Variants in ATXN7 observed in about 807,000 individuals in gnomAD.
ATXN7 encodes ataxin 7, also known as ataxin-7.
In ATXN7, 12 loss-of-function variants were observed where a neutral mutation model predicts 70.5. The ratio of observed to expected loss-of-function variants is 0.17; its 90% CI spans 0.11 to 0.28. ATXN7 has a LOEUF of 0.28. ATXN7 is among the 10% of genes least tolerant of loss of function. The probability of loss-of-function intolerance (pLI) is 1.00; values close to 1 mark genes in which losing one functional copy is unlikely to be tolerated. For missense variants in ATXN7, 1,256 were observed against 1,131.7 expected (o/e 1.11, Z -1.58); for synonymous variants, 498 against 448.7 (o/e 1.11, Z -1.39).
At position 63,995,725 on chromosome 3, in the gene ATXN7, A is replaced by G. The variant is rs556047926; in HGVS notation, c.1903A>G (p.Met635Val). 10 of 1,614,104 alleles carry G rather than the reference A, an allele frequency of 6.2e-6. No individual in the cohort carries two copies. Among genetic ancestry groups the G allele is most frequent in the Non-Finnish European group, 8.5e-6 (10 of 1,180,048 alleles). Residue 635 changes from methionine (M) to valine (V), a missense_variant, in exon 12 of 13, where the codon ATG (methionine) becomes GTG (valine). Met to Val is a conservative substitution (Grantham distance 21, BLOSUM62 1). Coordinates refer to ENST00000674280, the MANE Select transcript of ATXN7 (RefSeq NM_001377405.1). Reference protein sequence around the residue: ...LNAQPAASGAMDPVCSMQSRQ... With the variant: ...LNAQPAASGAVDPVCSMQSRQ... Reference sequence around the variant, plus strand: ...TGCACAGCCTGCTGCTTCAGGGGCGATGGATCCTGTGTGCAGTATGCAATC... The same window carrying G: ...TGCACAGCCTGCTGCTTCAGGGGCGGTGGATCCTGTGTGCAGTATGCAATC...
chr3:63,973,437 G>C (rs892409885), intron 5 of ATXN7, among the ~76,000 whole-genome samples: 3 of 152,102 alleles, frequency 2.0e-5, no homozygotes, highest in African/African-American at 7.2e-5. Context: ...CCTGGAAACT[G>C]TGTAAGTTGA....
rs758713692 is a variant in ATXN7 at position 63,979,915 on chromosome 3, A to G, written c.500A>G (p.Glu167Gly). The change falls in exon 6 of 13, where the codon GAA becomes GGA. Residue 167 changes from glutamate to glycine, a missense_variant and splice_region_variant. By Grantham distance (98) the Glu-to-Gly change is moderately conservative. Transcript: ENST00000674280. ...TTTTTTTCTTTGCTTTCGTTTTCAG[A>G]AAGAAGACATAGCTCATCCAGCAAG... ...VKPQAFQSHYERRHSSSSKPP... is the reference protein window; with the variant it reads ...VKPQAFQSHYGRRHSSSSKPP... 5 of 1,612,912 alleles carry G rather than the reference A, an allele frequency of 3.1e-6. No individual in the cohort carries two copies. In the East Asian group the frequency reaches 1.1e-4, roughly 36 times the overall value.
intron 5 of ATXN7, among the ~76,000 whole-genome samples, chr3:63,956,470 A>G (rs1433137878): frequency 6.6e-6 from 1 of 150,528 alleles, no homozygotes; most frequent in Admixed American, 6.6e-5. Flanking sequence ...CTTACTGCTA[A>G]TTTCAGATTT....
At chr3:63,945,523 A>G (rs190915885) in intron 4 of ATXN7, among the ~76,000 whole-genome samples, 1 of 152,360 alleles carries the variant, frequency 6.6e-6, no homozygotes, top group East Asian at 1.9e-4. Context: ...ATGTGTCACT[A>G]AATGACATAA....
chr3:63,999,209 C>T, intron 12 of ATXN7: 1 of 455,168 alleles, frequency 2.2e-6, no homozygotes, highest in Non-Finnish European at 4.0e-6. Context: ...GAAACCCAGG[C>T]CTGCAACTCT....
At chr3:63,872,454 A>G (rs1702626274) in intron 1 of ATXN7, among the ~76,000 whole-genome samples, 1 of 152,194 alleles carries the variant, frequency 6.6e-6, no homozygotes, top group Non-Finnish European at 1.5e-5. Context: ...TGAGCTCCAC[A>G]TAATCTCATC....
rs1704103525 is a variant in ATXN7 at position 63,912,868 on chromosome 3, G to A, written c.270G>A (p.Met90Ile). The A allele has an allele frequency of 3.1e-6, 5 of 1,613,334 alleles. No homozygotes were observed. The African/African-American group carries it at 4.0e-5, about 13-fold the overall frequency. The change falls in exon 3 of 13, where the codon ATG (methionine) becomes ATA (isoleucine). Residue 90 changes from methionine to isoleucine, a missense_variant. Coordinates refer to ENST00000674280, the MANE Select transcript of ATXN7 (RefSeq NM_001377405.1). ...ERRPLPSPEV[M>I]LGQSWNLWVE... ...GGCCTCTGCCCAGTCCTGAAGTGAT[G>A]CTGGGACAGTCGTGGAATCTGTGGG...
intron 12 of ATXN7, chr3:63,998,244 A>G: frequency 1.0e-6 from 1 of 962,254 alleles, no homozygotes; most frequent in Non-Finnish European, 1.2e-6. Flanking sequence ...GACAGTGCCT[A>G]CTAGAAATTG....
chr3:63,980,012 T>G lies in ATXN7; in HGVS notation c.597T>G (p.Ser199Arg). ...FPSLSKSKGG[S>R]ASGSNRSSSG... ...CTCTGTCCAAAAGCAAAGGAGGCAGTGCAAGTGGAAGCAACCGTTCTTCCA... is the reference window on the plus strand; with the variant it reads ...CTCTGTCCAAAAGCAAAGGAGGCAGGGCAAGTGGAAGCAACCGTTCTTCCA... Residue 199 changes from serine to arginine, a missense_variant, in exon 6 of 13, where the codon AGT becomes AGG. Transcript: ENST00000674280. 4 of 1,614,182 alleles carry G rather than the reference T, an allele frequency of 2.5e-6. No homozygotes were observed. The highest frequency in any genetic ancestry group is 3.4e-6 in the Non-Finnish European group (4 of 1,180,026).
rs143627432 is a variant in ATXN7 at position 63,915,935 on chromosome 3, C to G, written c.394+2710C>G. Among the ~76,000 whole-genome samples, 610 of 152,210 alleles carry G rather than the reference C, an allele frequency of 4.0e-3. 4 individuals carry two copies. Among genetic ancestry groups the G allele is most frequent in the African/African-American group, 0.014 (566 of 41,532 alleles). On this transcript the variant is annotated intron_variant, in intron 4 of 12. Coordinates refer to ENST00000674280, the MANE Select transcript of ATXN7 (RefSeq NM_001377405.1). Reference sequence around the variant, plus strand: ...TCCTGACCTCAGGTGATCCACCCGCCTCAGCCTCCACGAAGTGCTGGGATT... The same window carrying G: ...TCCTGACCTCAGGTGATCCACCCGCGTCAGCCTCCACGAAGTGCTGGGATT...
At chr3:63,997,434 A>G (rs1009927407) in intron 12 of ATXN7, among the ~76,000 whole-genome samples, 3 of 152,156 alleles carry the variant, frequency 2.0e-5, no homozygotes, top group African/African-American at 4.8e-5. Context: ...CTGCATATGA[A>G]CCCATCAGTA....
intron 11 of ATXN7, among the ~76,000 whole-genome samples, chr3:63,994,217 G>A (rs1268114631): frequency 6.6e-6 from 1 of 152,044 alleles, no homozygotes; most frequent in Non-Finnish European, 1.5e-5. Context: ...CCTTGAATGG[G>A]GTTTTGGGTT....
intron 4 of ATXN7, among the ~76,000 whole-genome samples, chr3:63,931,707 C>A (rs541861413): frequency 2.0e-4 from 31 of 152,270 alleles, no homozygotes; most frequent in African/African-American, 7.2e-4. Flanking sequence ...TCCACCCATA[C>A]CCTCTTTAAA....
At position 63,982,176 on chromosome 3, in the gene ATXN7, C is replaced by T. The variant is rs1422775754; in HGVS notation, c.753-10C>T. ...TCAGGCACTGGTTTTCTCACTTCCT[C>T]CTGTGACAGCATGACACCCTCTGTG... is the stretch of plus-strand genomic sequence containing the variant. On this transcript the variant is annotated splice_polypyrimidine_tract_variant and intron_variant, in intron 6 of 12. Transcript: ENST00000674280. The T allele has an allele frequency of 1.9e-6, 3 of 1,614,044 alleles. No individual in the cohort carries two copies. The highest frequency in any genetic ancestry group is 2.5e-6 in the Non-Finnish European group (3 of 1,179,956).
chr3:63,896,195 C>T (rs1703442313), intron 1 of ATXN7, among the ~76,000 whole-genome samples: 1 of 148,120 alleles, frequency 6.8e-6, no homozygotes, highest in African/African-American at 2.4e-5. Context: ...TAATCTCCCT[C>T]CCCCTTAAAA....
chr3:63,895,409 C>T (rs557374120), intron 1 of ATXN7, among the ~76,000 whole-genome samples: 16 of 152,288 alleles, frequency 1.1e-4, no homozygotes, highest in African/African-American at 3.9e-4. Context: ...TGTTTCTGAA[C>T]CCTTCGGCCT....
intron 5 of ATXN7, among the ~76,000 whole-genome samples, chr3:63,962,908 C>CTATTTTTTTTTTTTTTTTTT (rs1553691654): frequency 7.3e-6 from 1 of 136,344 alleles, no homozygotes; most frequent in African/African-American, 2.7e-5. Flanking sequence ...TTTTGTATTT[C>CTATTTTTTTTTTTTTTTTTT]TTTTTTTTTT....
intron 1 of ATXN7, among the ~76,000 whole-genome samples, chr3:63,893,280 A>G (rs759913206): frequency 2.0e-5 from 3 of 152,222 alleles, no homozygotes; most frequent in South Asian, 2.1e-4. Flanking sequence ...CACAATGACA[A>G]ATTGGAGAAT....
chr3:63,923,431 G>A (rs1267557389), intron 4 of ATXN7, among the ~76,000 whole-genome samples: 1 of 152,172 alleles, frequency 6.6e-6, no homozygotes, highest in Non-Finnish European at 1.5e-5. Flanking sequence ...ATGAGTTGGG[G>A]TTAGGGGGAT....
Sources: allele counts gnomAD v4.1 joint callset (sites outside exome capture counted in the v4.1 genomes callset), GRCh38; gene constraint gnomAD v4.1.1; transcripts MANE v1.5; gene names NCBI Gene and HGNC (gene_info 2026-07-23, HGNC 2026-07-21).